The following ANKRD30A variants were observed in gnomAD, a reference collection of about 807,000 sequenced individuals.
ANKRD30A encodes ankyrin repeat domain 30A.
In ANKRD30A, 170 loss-of-function variants were observed where a neutral mutation model predicts 166.3. The observed-to-expected ratio is 1.02, with a 90% CI of 0.90 to 1.16. The LOEUF (loss-of-function observed/expected upper bound fraction) is 1.16, where lower values mean the gene tolerates loss of function less well. Ranked by LOEUF, ANKRD30A falls within the 50% of genes most tolerant of loss-of-function variation. The pLI is 0.00. For missense variants in ANKRD30A, 1,630 were observed against 1,518.0 expected (o/e 1.07, Z -1.23); for synonymous variants, 564 against 508.9 (o/e 1.11, Z -1.46).
At chr10:37,193,852 CA>C (rs1564545201) in intron 27 of ANKRD30A, among the ~76,000 whole-genome samples, 1 of 151,974 alleles carries the variant, frequency 6.6e-6, no homozygotes, top group Non-Finnish European at 1.5e-5. Flanking sequence ...CCTAGAGGTA[CA>C]AAAGAGCCTG....
intron 6 of ANKRD30A, among the ~76,000 whole-genome samples, chr10:37,137,019 TTA>T (rs1836745342): frequency 1.3e-5 from 2 of 152,022 alleles, no homozygotes; most frequent in South Asian, 4.1e-4. Flanking sequence ...TTTGTATATT[TTA>T]TGTTTCCTCA....
intron 13 of ANKRD30A, among the ~76,000 whole-genome samples, chr10:37,154,896 A>T (rs1838244494): frequency 6.6e-6 from 1 of 152,188 alleles, no homozygotes; most frequent in Non-Finnish European, 1.5e-5. Flanking sequence ...TTTCTTTATT[A>T]CTATGAGGCA....
In ANKRD30A at chr10:37,125,913, C is replaced by A; in HGVS notation, c.126C>A (p.Ile42=). The A allele has an allele frequency of 6.2e-7, 1 of 1,605,070 alleles. No individual in the cohort carries two copies. The highest frequency in any genetic ancestry group is 1.7e-5 in the Admixed American group (1 of 59,972). The change falls in exon 1 of 36, where the codon ATC becomes ATA. Residue 42 remains isoleucine, a synonymous_variant. Transcript: ENST00000361713. ...TCCACTCTGGGGATCTTAGAAAGAT[C>A]CATAAAGCTGCCTCCCGGGGACAAG... ...YIVHSGDLRK[I]HKAASRGQVR...
rs182585200 is a variant in ANKRD30A at position 37,206,695 on chromosome 10, G to C, written c.2869+5370G>C. ...TGTAAACCCAGCTACTCAGGAGGCT[G>C]AGGCAGGAGAATTGCTTGAACCCAG... On this transcript the variant is annotated intron_variant, in intron 31 of 35. Transcript: ENST00000361713. 5.2e-3 allele frequency among the ~76,000 whole-genome samples: 790 copies of C among 152,186 alleles called. 5 individuals are homozygous for C. Among genetic ancestry groups the C allele is most frequent in the Non-Finnish European group, 6.7e-3 (453 of 68,012 alleles).
intron 1 of ANKRD30A, among the ~76,000 whole-genome samples, chr10:37,129,441 G>A (rs1836245507): frequency 6.6e-6 from 1 of 152,128 alleles, no homozygotes; most frequent in Non-Finnish European, 1.5e-5. Context: ...TGCTGTCTTT[G>A]TTAAGTAGTA....
chr10:37,128,998 G>A (rs1427467079), intron 1 of ANKRD30A, among the ~76,000 whole-genome samples: 1 of 152,106 alleles, frequency 6.6e-6, no homozygotes, highest in Non-Finnish European at 1.5e-5. Flanking sequence ...GGAATAAGAT[G>A]AGCCATACCT....
At chr10:37,147,956 G>A (rs1421618288) in intron 9 of ANKRD30A, among the ~76,000 whole-genome samples, 1 of 152,196 alleles carries the variant, frequency 6.6e-6, no homozygotes, top group Non-Finnish European at 1.5e-5. Context: ...GAAGGCATTA[G>A]GAATGGAATT....
intron 13 of ANKRD30A, among the ~76,000 whole-genome samples, 196 bp downstream of exon 13, chr10:37,153,858 T>A (rs1838154506): frequency 6.6e-6 from 1 of 152,096 alleles, no homozygotes; most frequent in South Asian, 2.1e-4. Flanking sequence ...GAAAAGGAGC[T>A]GAATTATTAG....
At position 37,127,873 on chromosome 10, in the gene ANKRD30A, T is replaced by C. The variant is rs536594697; in HGVS notation, c.221+1865T>C. On this transcript the variant is annotated intron_variant, in intron 1 of 35. Transcript: ENST00000361713. ...GGTAAGTACCATATTTAAAAAATTG[T>C]ATATGCCCATTAGTGATCAATTCTA... is the stretch of plus-strand genomic sequence containing the variant. Among the ~76,000 whole-genome samples, 380 of 152,262 alleles carry C rather than the reference T, an allele frequency of 2.5e-3. 2 individuals are homozygous for C. Among genetic ancestry groups the C allele is most frequent in the Non-Finnish European group, 3.6e-3 (244 of 67,958 alleles).
At chr10:37,252,240 T>G in the ANKRD30A span, among the ~76,000 whole-genome samples, 1 of 152,188 alleles carries the variant, frequency 6.6e-6, no homozygotes, top group African/African-American at 2.4e-5. Flanking sequence ...TTGTTCTTGA[T>G]TCCCCAGAGT....
chr10:37,214,897 C>G (rs1842525807), intron 31 of ANKRD30A, among the ~76,000 whole-genome samples: 1 of 151,436 alleles, frequency 6.6e-6, no homozygotes, highest in South Asian at 2.1e-4. Flanking sequence ...GTCTCTCCTC[C>G]TACCTGTTTG....
chr10:37,164,600 G>T (rs375434905), intron 17 of ANKRD30A, among the ~76,000 whole-genome samples: 2 of 152,088 alleles, frequency 1.3e-5, no homozygotes, highest in African/African-American at 2.4e-5. Context: ...ATGTAAAAGG[G>T]TTGGAAATAT....
the ANKRD30A span, among the ~76,000 whole-genome samples, chr10:37,249,826 T>G: frequency 4.6e-5 from 7 of 152,222 alleles, no homozygotes; most frequent in Admixed American, 2.0e-4. Context: ...TGCTTAGGCA[T>G]TGAAGGGTCA....
intron 12 of ANKRD30A, among the ~76,000 whole-genome samples, chr10:37,152,984 T>G (rs1838068083): frequency 6.6e-6 from 1 of 152,188 alleles, no homozygotes; most frequent in South Asian, 2.1e-4. Context: ...TTACATTCTA[T>G]TCAAGCACTT....
intron 7 of ANKRD30A, among the ~76,000 whole-genome samples, chr10:37,144,012 A>G (rs1388113660): frequency 1.3e-5 from 2 of 151,918 alleles, no homozygotes; most frequent in Non-Finnish European, 2.9e-5. Context: ...TCAGAAGCTC[A>G]ATTTACACAT....
chr10:37,148,960 G>T (rs1837709694), intron 9 of ANKRD30A, among the ~76,000 whole-genome samples: 1 of 151,894 alleles, frequency 6.6e-6, no homozygotes, highest in African/African-American at 2.4e-5. Flanking sequence ...AATATAAAAA[G>T]TTATTTATGT....
chr10:37,217,242 G>A (rs1297596577), intron 32 of ANKRD30A, among the ~76,000 whole-genome samples: 2 of 150,810 alleles, frequency 1.3e-5, no homozygotes, highest in African/African-American at 2.4e-5. Flanking sequence ...AGGGATACTT[G>A]CCATATTTTA....
intron 12 of ANKRD30A, among the ~76,000 whole-genome samples, 185 bp downstream of exon 12, chr10:37,152,306 C>T (rs1838009992): frequency 6.6e-6 from 1 of 151,984 alleles, no homozygotes; most frequent in South Asian, 2.1e-4. Flanking sequence ...TAGTGAAATT[C>T]TGGGAATTTG....
At chr10:37,219,965 T>G in intron 34 of ANKRD30A, 68 bp downstream of exon 34, 1 of 1,135,356 alleles carries the variant, frequency 8.8e-7, no homozygotes. Flanking sequence ...TATTTGGCCT[T>G]GGCTAAATGC....
Sources: allele counts gnomAD v4.1 joint callset (sites outside exome capture counted in the v4.1 genomes callset), GRCh38; gene constraint gnomAD v4.1.1; transcripts MANE v1.5; gene names NCBI Gene and HGNC (gene_info 2026-07-23, HGNC 2026-07-21).